Variants in ARMC1 observed in about 807,000 individuals in gnomAD.
The protein encoded by ARMC1 is armadillo repeat-containing protein 1.
A neutral mutation model predicts 31.4 loss-of-function variants in ARMC1; 16 were observed. That is an observed-to-expected ratio of 0.51 (90% CI 0.34 to 0.77). The LOEUF is 0.77. ARMC1 is among the 30% of genes least tolerant of loss of function. ARMC1 has a pLI of 0.01. For missense variants in ARMC1, 259 were observed against 347.5 expected, an observed-to-expected ratio of 0.75 and a Z score of 2.02; for synonymous variants, 114 against 118.9, an observed-to-expected ratio of 0.96 and a Z score of 0.27.
At chr8:65,608,372 C>CA (rs1808047961) in intron 4 of ARMC1, among the ~76,000 whole-genome samples, 1 of 151,890 alleles carries the variant, frequency 6.6e-6, no homozygotes, top group South Asian at 2.1e-4. Flanking sequence ...ACTAAAAATA[C>CA]AAAAAAATTA....
intron 3 of ARMC1, among the ~76,000 whole-genome samples, chr8:65,619,861 G>A (rs1406558963): frequency 2.6e-5 from 4 of 151,874 alleles, no homozygotes; most frequent in Admixed American, 6.6e-5. Flanking sequence ...GTGCGTGCCT[G>A]TAATCCCAGG....
Position 65,606,603 on chromosome 8 carries a change from T to C in ARMC1, c.466-1065A>G, listed in dbSNP as rs186970557. The stretch of plus-strand genomic sequence containing the variant: ...CTCTGTGTGGTTCTCATTTTCCTAA[T>C]ACTCTTCAAAACACAATATAACATG... On this transcript the variant is annotated intron_variant, in intron 4 of 6. Transcript: ENST00000276569. Among the ~76,000 whole-genome samples, 25 of 152,226 alleles carry C rather than the reference T, an allele frequency of 1.6e-4. No homozygotes were observed. The East Asian group carries it at 4.8e-3, about 29-fold the overall frequency.
intron 2 of ARMC1, 44 bp downstream of exon 2, chr8:65,627,172 C>A: frequency 6.7e-7 from 1 of 1,502,714 alleles, no homozygotes; most frequent in Non-Finnish European, 8.9e-7. Context: ...CTCACCTTAA[C>A]TGCAAAAATA....
In ARMC1 at chr8:65,627,224, C is replaced by A. The variant is rs763773660; in HGVS notation, c.175G>T (p.Ala59Ser). Residue 59 changes from alanine (A) to serine (S), a missense_variant, in exon 2 of 7, where the codon GCT becomes TCT. Transcript: ENST00000276569. ...TACTAAAGGCAACTTACAAGCAAAG[C>A]GGAGTGGACGACTGGAGGGTTGGGA... ...DHPNPPVVHS[A>S]LLALRYLAEC... The A allele has an allele frequency of 2.6e-6, 4 of 1,562,570 alleles. No individual in the cohort carries two copies. Among genetic ancestry groups the A allele is most frequent in the Admixed American group, 3.9e-5 (2 of 51,808 alleles).
At chr8:65,604,979 C>T (rs1807971583) in intron 6 of ARMC1, among the ~76,000 whole-genome samples, 1 of 152,128 alleles carries the variant, frequency 6.6e-6, no homozygotes, top group African/African-American at 2.4e-5. Flanking sequence ...AGTGGTTACA[C>T]CTTTATTTTT....
At chr8:65,631,248 G>T (rs916438075) in intron 1 of ARMC1, among the ~76,000 whole-genome samples, 13 of 152,086 alleles carry the variant, frequency 8.5e-5, no homozygotes, top group South Asian at 4.2e-4. Flanking sequence ...CTGAATTTTT[G>T]GGGGGGAACA....
intron 3 of ARMC1, among the ~76,000 whole-genome samples, chr8:65,615,724 A>G (rs1432673937): frequency 1.3e-5 from 2 of 151,726 alleles, no homozygotes; most frequent in Non-Finnish European, 2.9e-5. Flanking sequence ...AAAAATGAAT[A>G]AATAAAATAA....
intron 3 of ARMC1, among the ~76,000 whole-genome samples, chr8:65,615,364 A>AAG (rs1299980580): frequency 6.6e-6 from 1 of 151,020 alleles, no homozygotes; most frequent in African/African-American, 2.4e-5. Context: ...AAAGAGCATG[A>AAG]AGAGACAATG....
chr8:65,624,015 C>G, intron 2 of ARMC1, among the ~76,000 whole-genome samples: 1 of 148,768 alleles, frequency 6.7e-6, no homozygotes, highest in East Asian at 2.2e-4. Flanking sequence ...CCAGGCTGGT[C>G]TTGAACTCCT....
At chr8:65,614,662 C>T (rs1168317792) in intron 3 of ARMC1, among the ~76,000 whole-genome samples, 1 of 152,118 alleles carries the variant, frequency 6.6e-6, no homozygotes, top group Non-Finnish European at 1.5e-5. Context: ...TCATTTTGTC[C>T]TTCTATTATT....
chr8:65,632,752 G>A (rs1295152485), intron 1 of ARMC1: 2 of 152,548 alleles, frequency 1.3e-5, no homozygotes, highest in African/African-American at 2.4e-5. Flanking sequence ...CTTGAACCCG[G>A]GAGGCGGAGG....
chr8:65,616,647 G>A (rs1286631142), intron 3 of ARMC1, among the ~76,000 whole-genome samples: 1 of 148,544 alleles, frequency 6.7e-6, no homozygotes, highest in Non-Finnish European at 1.5e-5. Context: ...TGGGAAGTGA[G>A]GAGCGCCTCT....
intron 4 of ARMC1, among the ~76,000 whole-genome samples, 172 bp downstream of exon 4, chr8:65,613,072 T>TA (rs1346388977): frequency 6.6e-6 from 1 of 152,196 alleles, no homozygotes; most frequent in Non-Finnish European, 1.5e-5. Context: ...ATTAGGGACA[T>TA]ACATATTTTA....
intron 4 of ARMC1, among the ~76,000 whole-genome samples, chr8:65,609,869 A>AG (rs1255640295): frequency 4.7e-5 from 2 of 42,518 alleles, no homozygotes; most frequent in East Asian, 2.5e-4. Flanking sequence ...AAAAAAAAAA[A>AG]AAAAAAAGAA....
At chr8:65,616,902 G>A (rs1448052927) in intron 3 of ARMC1, among the ~76,000 whole-genome samples, 670 of 138,052 alleles carry the variant, frequency 4.9e-3, no homozygotes, top group African/African-American at 0.017. Context: ...CCCGGCAGCC[G>A]CCCCGTCTGA....
chr8:65,613,373 G>A lies in ARMC1; in HGVS notation c.336C>T (p.Ser112=), dbSNP rs1189437987. 1.2e-6 allele frequency: 2 copies of A among 1,610,596 alleles called. No homozygotes were observed. Among genetic ancestry groups the A allele is most frequent in the African/African-American group, 1.3e-5 (1 of 74,760 alleles). ...AACTATCACCATCTGCCATATTGGA[G>A]GACTGAAGAATGTCATAGATTTCAG... ...LASEIYDILQ[S]SNMADGDSFN... Residue 112 remains serine (S), a synonymous_variant, in exon 4 of 7, where the codon TCC becomes TCT. Coordinates refer to ENST00000276569, the MANE Select transcript of ARMC1 (RefSeq NM_018120.6).
intron 3 of ARMC1, among the ~76,000 whole-genome samples, chr8:65,617,446 C>G (rs998829502): frequency 1.3e-5 from 2 of 152,098 alleles, no homozygotes; most frequent in Non-Finnish European, 2.9e-5. Context: ...GTCATCACCA[C>G]TCCCTAATCT....
chr8:65,622,006 C>T lies in ARMC1; in HGVS notation c.275+257G>A, dbSNP rs556509830. 9.9e-5 allele frequency among the ~76,000 whole-genome samples: 15 copies of T among 152,046 alleles called. No individual in the cohort carries two copies. The East Asian group carries it at 1.2e-3, about 12-fold the overall frequency. ...AGGCTAGAGCGCAATGGCACGATCT[C>T]GGCTCACTGCAACCTCCACCTCCGG... On this transcript the variant is annotated intron_variant, in intron 3 of 6. Transcript: ENST00000276569.
intron 1 of ARMC1, among the ~76,000 whole-genome samples, chr8:65,630,385 T>C (rs1482504383): frequency 6.6e-6 from 1 of 152,232 alleles, no homozygotes; most frequent in Non-Finnish European, 1.5e-5. Context: ...GCCTTTTGCA[T>C]ACAACGCTGG....
Sources: gnomAD v4.1 joint callset for allele counts (sites outside exome capture counted in the v4.1 genomes callset) on GRCh38, gnomAD v4.1.1 for gene constraint, MANE v1.5 for transcripts, NCBI Gene and HGNC (gene_info 2026-07-23, HGNC 2026-07-21) for gene names.